DPP6: variants seen among roughly 807,000 people sequenced by gnomAD.
DPP6 encodes A-type potassium channel modulatory protein DPP6.
A neutral mutation model predicts 122.6 loss-of-function variants in DPP6; 69 were observed. The observed-to-expected ratio is 0.56, with a 90% CI of 0.46 to 0.69. The LOEUF (loss-of-function observed/expected upper bound fraction) is 0.69, where lower values mean the gene tolerates loss of function less well. Among genes scored for constraint, DPP6 ranks in the 30% least tolerant of loss-of-function variants. The pLI is 0.00. For missense variants in DPP6, 928 were observed against 1,116.9 expected, an observed-to-expected ratio of 0.83 and a Z score of 2.41; for synonymous variants, 418 against 433.1, an observed-to-expected ratio of 0.97 and a Z score of 0.43.
chr7:153,827,876 C>T, the DPP6 span, among the ~76,000 whole-genome samples: 4 of 152,178 alleles, frequency 2.6e-5, no homozygotes, highest in Admixed American at 2.6e-4. Context: ...TTACCTGCAC[C>T]CTGTGTAACA....
At chr7:153,769,735 CT>C in the DPP6 span, among the ~76,000 whole-genome samples, 1 of 152,078 alleles carries the variant, frequency 6.6e-6, no homozygotes, top group Admixed American at 6.6e-5. Flanking sequence ...GAGCTCCTCA[CT>C]TTTTTTTAAA....
chr7:154,883,856 C>G lies in DPP6; in HGVS notation c.2134-1777C>G, dbSNP rs959795337. 4.4e-4 allele frequency: 31 copies of G among 70,776 alleles called. 2 individuals are homozygous for G. The highest frequency in any genetic ancestry group is 1.8e-3 in the African/African-American group (29 of 15,974). The allele number at this position is 70,776 out of a possible 1,614,324, so 4.4% of individuals were successfully genotyped here. A position where few individuals can be genotyped will look rare whatever the true frequency, so the allele number is the denominator to read the frequency against. On this transcript the variant is annotated intron_variant, in intron 21 of 25. Coordinates refer to ENST00000377770, the MANE Select transcript of DPP6 (RefSeq NM_130797.4). ...CTGCTCACCCATACACACATGCTCA[C>G]ATGATTACACATGCTCCCACATACA...
At chr7:154,418,761 T>C (rs951757047) in intron 1 of DPP6, among the ~76,000 whole-genome samples, 6 of 152,198 alleles carry the variant, frequency 3.9e-5, no homozygotes, top group Admixed American at 1.3e-4. Flanking sequence ...TGAAAGACAG[T>C]TCCTATAAAA....
intron 6 of DPP6, among the ~76,000 whole-genome samples, chr7:154,645,800 G>A (rs1313211412): frequency 1.3e-5 from 2 of 151,968 alleles, no homozygotes; most frequent in African/African-American, 2.4e-5. Flanking sequence ...ATGCCAAGGC[G>A]GGTGGATCAC....
At chr7:154,289,332 C>T (rs7804829) in intron 1 of DPP6, among the ~76,000 whole-genome samples, 4,625 of 152,218 alleles carry the variant, frequency 0.03, 195 homozygotes, top group African/African-American at 0.09. Flanking sequence ...GTGTGGGATG[C>T]GTAACACAGC....
At chr7:154,344,475 A>T (rs192316092) in intron 1 of DPP6, among the ~76,000 whole-genome samples, 106 of 152,286 alleles carry the variant, frequency 7.0e-4, no homozygotes, top group African/African-American at 2.4e-3. Flanking sequence ...TGGGAAGGTA[A>T]ATTAGCACAG....
chr7:154,396,227 A>G (rs1815073654), intron 1 of DPP6, among the ~76,000 whole-genome samples: 2 of 152,146 alleles, frequency 1.3e-5, no homozygotes, highest in African/African-American at 4.8e-5. Flanking sequence ...AATACCTCCT[A>G]GGTAGGTACT....
At chr7:154,360,663 A>G (rs1448242688) in intron 1 of DPP6, among the ~76,000 whole-genome samples, 2 of 152,234 alleles carry the variant, frequency 1.3e-5, no homozygotes, top group Non-Finnish European at 2.9e-5. Context: ...GTTAGGTTAG[A>G]AAGGCGTAAC....
intron 1 of DPP6, among the ~76,000 whole-genome samples, chr7:154,141,534 A>G (rs1795845048): frequency 2.0e-5 from 3 of 152,248 alleles, no homozygotes; most frequent in Non-Finnish European, 2.9e-5. Flanking sequence ...TCAATTAATC[A>G]GTTAATCAGC....
intron 5 of DPP6, among the ~76,000 whole-genome samples, chr7:154,610,823 T>C (rs554794255): frequency 6.6e-6 from 1 of 152,256 alleles, no homozygotes; most frequent in East Asian, 1.9e-4. Flanking sequence ...ATTTTCACCC[T>C]TATTCACTCA....
At chr7:154,014,843 T>G (rs71265434) in intron 1 of DPP6, among the ~76,000 whole-genome samples, 32,826 of 150,928 alleles carry the variant, frequency 0.22, 4,017 homozygotes, top group African/African-American at 0.33. Flanking sequence ...TAAAGAATTG[T>G]GATAAAGCAG....
chr7:154,396,274 T>G (rs1267382486), intron 1 of DPP6, among the ~76,000 whole-genome samples: 1 of 152,198 alleles, frequency 6.6e-6, no homozygotes, highest in African/African-American at 2.4e-5. Flanking sequence ...AAACCAGGGC[T>G]GAGAGATGTT....
chr7:154,887,728 A>G lies in DPP6; in HGVS notation c.2298A>G (p.Ala766=). The G allele has an allele frequency of 6.2e-7, 1 of 1,613,902 alleles. No homozygotes were observed. The highest frequency in any genetic ancestry group is 8.5e-7 in the Non-Finnish European group (1 of 1,179,794). Residue 766 remains alanine (A), a synonymous_variant, in exon 23 of 26, where the codon GCA becomes GCG. Coordinates refer to ENST00000377770, the MANE Select transcript of DPP6 (RefSeq NM_130797.4). ...GCCTCCATGGACTTGACAACAGAGC[A>G]TACGAGGTGTGTATGGGCACAACTA... ...YLGLHGLDNR[A]YEMTKVAHRV...
chr7:154,052,128 C>G (rs1390632918), upstream of DPP6, among the ~76,000 whole-genome samples: 1 of 151,258 alleles, frequency 6.6e-6, no homozygotes, highest in African/African-American at 2.4e-5. The surrounding 1 kb of genome is among the most constrained non-coding windows in gnomAD (Gnocchi z 4.8). Context: ...ACTCGCAGCA[C>G]TACCTTCGGT....
chr7:153,986,809 A>G (rs1003818994), intron 1 of DPP6, among the ~76,000 whole-genome samples: 20 of 151,810 alleles, frequency 1.3e-4, no homozygotes, highest in Admixed American at 1.2e-3. Flanking sequence ...TGATTTGTAA[A>G]CTCTTGAAGC....
At chr7:154,074,425 A>C (rs545429628) in intron 1 of DPP6, among the ~76,000 whole-genome samples, 2 of 152,356 alleles carry the variant, frequency 1.3e-5, no homozygotes, top group South Asian at 4.1e-4. Context: ...ATAAAGTCTT[A>C]GTAATTCTGA....
rs77962357 is a variant in DPP6 at position 153,947,686 on chromosome 7, G to A, written c.51+59952G>A. Among the ~76,000 whole-genome samples the A allele has an allele frequency of 6.9e-3, 1,044 of 152,190 alleles. 13 individuals are homozygous for A. The highest frequency in any genetic ancestry group is 0.024 in the African/African-American group (984 of 41,534). On this transcript the variant is annotated intron_variant, in intron 1 of 25. Coordinates refer to the DPP6 transcript ENST00000404039. ...GAGGACGCAGAGGTCATGGGGAAGC[G>A]TGACAGGACAAAGGGAGTGAGCTGA...
Position 154,088,303 on chromosome 7 carries a change from C to T in DPP6, c.243+35240C>T, listed in dbSNP as rs183928082. On this transcript the variant is annotated intron_variant, in intron 1 of 25. Transcript: ENST00000377770. Reference sequence around the variant, plus strand: ...AGCTGCATTCCATTCTGGCCCATCACGTGGCAACACCAACCACGATGCCTG... The same window carrying T: ...AGCTGCATTCCATTCTGGCCCATCATGTGGCAACACCAACCACGATGCCTG... 4.6e-4 allele frequency among the ~76,000 whole-genome samples: 68 copies of T among 148,092 alleles called. No homozygotes were observed. In the East Asian group the frequency reaches 8.8e-3, roughly 19 times the overall value.
chr7:154,393,781 T>C (rs910230395), intron 1 of DPP6, among the ~76,000 whole-genome samples: 15 of 152,152 alleles, frequency 9.9e-5, no homozygotes, highest in Non-Finnish European at 1.5e-4. Context: ...TGAAACTCTG[T>C]ACTTACTAAA....
Sources: allele counts gnomAD v4.1 joint callset (sites outside exome capture counted in the v4.1 genomes callset), GRCh38; gene constraint gnomAD v4.1.1; non-coding constraint Gnocchi (gnomAD v3.1); transcripts MANE v1.5; gene names NCBI Gene and HGNC (gene_info 2026-07-23, HGNC 2026-07-21).